The following KCNQ1 variants were observed in gnomAD, a reference collection of about 807,000 sequenced individuals.
KCNQ1 encodes potassium voltage-gated channel subfamily Q member 1, also known as potassium voltage-gated channel subfamily KQT member 1.
In KCNQ1, 49 loss-of-function variants were observed where a neutral mutation model predicts 72.4. That is an observed-to-expected ratio of 0.68 (90% confidence interval 0.54 to 0.86). The LOEUF is 0.86. KCNQ1 is among the 40% of genes least tolerant of loss of function. The pLI is 0.00. For synonymous variants in KCNQ1, 450 were observed against 412.6 expected, an observed-to-expected ratio of 1.09 and a Z score of -1.10; for missense variants, 790 against 945.1, an observed-to-expected ratio of 0.84 and a Z score of 2.15.
chr11:2,630,619 C>G (rs933264429), intron 10 of KCNQ1: 1 of 398,284 alleles, frequency 2.5e-6, no homozygotes, highest in Non-Finnish European at 4.4e-6. Flanking sequence ...GATTTATATA[C>G]TACCATTACA....
At position 2,764,927 on chromosome 11, in the gene KCNQ1, T is replaced by C. The variant is rs190237381; in HGVS notation, c.1515-3917T>C. On this transcript the variant is annotated intron_variant, in intron 11 of 15. Transcript: ENST00000155840. This position sits in a 1 kb window ranked among gnomAD's most constrained non-coding sequence, Gnocchi z 4.8. The stretch of plus-strand genomic sequence containing the variant: ...CCCAAAAGTGTGTCTGTTTTATTAG[T>C]CTCTTCTGAGAACCAAATTTTGGCT... Among the ~76,000 whole-genome samples the C allele has an allele frequency of 1.2e-4, 19 of 152,336 alleles. No individual in the cohort carries two copies. In the East Asian group the frequency reaches 3.7e-3, roughly 29 times the overall value.
In KCNQ1 at chr11:2,645,096, C is replaced by T. The variant is rs1395768865; in HGVS notation, c.1394-16865C>T. ...CACAGGGTGGGTAGGTCCTTGAGCT[C>T]TGAGCAGCAGATATGGCTTGGGCAA... On this transcript the variant is annotated intron_variant, in intron 10 of 15. Transcript: ENST00000155840. The surrounding 1 kb of genome is among the most constrained non-coding windows in gnomAD (Gnocchi z 5.8). The T allele has an allele frequency of 2.5e-6, 1 of 398,598 alleles. No homozygotes were observed. Among genetic ancestry groups the T allele is most frequent in the Non-Finnish European group, 4.4e-6 (1 of 226,088 alleles). The allele number at this position is 398,598 out of a possible 1,614,324, so 24.7% of individuals were successfully genotyped here.
chr11:2,628,786 TTTCTC>T (rs1177532635), intron 10 of KCNQ1: 7 of 398,298 alleles, frequency 1.8e-5, no homozygotes, highest in African/African-American at 4.1e-5. Flanking sequence ...CTTATTCACT[TTTCTC>T]TACAGTGTAG....
intron 6 of KCNQ1, among the ~76,000 whole-genome samples, chr11:2,577,254 C>T (rs879831445): frequency 3.9e-5 from 6 of 152,178 alleles, no homozygotes; most frequent in South Asian, 2.1e-4. Context: ...CAGTCAGGAG[C>T]GAGAAGCATG....
At position 2,743,267 on chromosome 11, in the gene KCNQ1, C is replaced by T. The variant is rs540400422; in HGVS notation, c.1515-25577C>T. On this transcript the variant is annotated intron_variant, in intron 11 of 15. Coordinates refer to ENST00000155840, the MANE Select transcript of KCNQ1 (RefSeq NM_000218.3). ...TCATTGACTCCGAGGGTCTTCAAGGCCCTGTGCTCCTCCAGAAGGTGGGGT... is the reference window on the plus strand; with the variant it reads ...TCATTGACTCCGAGGGTCTTCAAGGTCCTGTGCTCCTCCAGAAGGTGGGGT... 1.5e-4 allele frequency among the ~76,000 whole-genome samples: 23 copies of T among 152,212 alleles called. No homozygotes were observed. The East Asian group carries it at 3.7e-3, about 24-fold the overall frequency.
In KCNQ1 at chr11:2,664,890, AC is replaced by A. The variant is rs1434851105; in HGVS notation, c.1514+2810del. On this transcript the variant is annotated intron_variant, in intron 11 of 15. Transcript: ENST00000155840. This position sits in a 1 kb window ranked among gnomAD's most constrained non-coding sequence, Gnocchi z 5.1. ...TCAAATTAAAAACATAAATAAAGAC[AC>A]ATTTTGTTTCCATCTCGAGCTCTCC... 1 of 398,448 alleles carries A rather than the reference AC, an allele frequency of 2.5e-6. No homozygotes were observed. The highest frequency in any genetic ancestry group is 3.6e-5 in the East Asian group (1 of 28,082). 24.7% of individuals were successfully genotyped at this position (398,448 alleles called of 1,614,324 possible).
Position 2,612,376 on chromosome 11 carries a change from A to G in KCNQ1, c.1393+23522A>G. ...TTCCACAAAACTGGTCCCTCATGCCAAAAAGGTTGGGGACCACTATATTAT... is the reference window on the plus strand; with the variant it reads ...TTCCACAAAACTGGTCCCTCATGCCGAAAAGGTTGGGGACCACTATATTAT... On this transcript the variant is annotated intron_variant, in intron 10 of 15. Coordinates refer to ENST00000155840, the MANE Select transcript of KCNQ1 (RefSeq NM_000218.3). The surrounding 1 kb of genome is among the most constrained non-coding windows in gnomAD (Gnocchi z 5.5). 2.5e-6 allele frequency: 1 copy of G among 398,656 alleles called. No individual in the cohort carries two copies. The highest frequency in any genetic ancestry group is 4.4e-6 in the Non-Finnish European group (1 of 226,076). The allele number at this position is 398,656 out of a possible 1,614,324, so 24.7% of individuals were successfully genotyped here. A position where few individuals can be genotyped will look rare whatever the true frequency, so the allele number is the denominator to read the frequency against.
In KCNQ1 at chr11:2,658,820, G is replaced by A. The variant is rs904457455; in HGVS notation, c.1394-3141G>A. On this transcript the variant is annotated intron_variant, in intron 10 of 15. Coordinates refer to ENST00000155840, the MANE Select transcript of KCNQ1 (RefSeq NM_000218.3). The surrounding 1 kb of genome is among the most constrained non-coding windows in gnomAD (Gnocchi z 4.9). ...CCCCCTCCCCCACAACTTATTTATAGCTTTTTCTCTGACAGCTAGAAACCT... is the reference window on the plus strand; with the variant it reads ...CCCCCTCCCCCACAACTTATTTATAACTTTTTCTCTGACAGCTAGAAACCT... 1.3e-5 allele frequency: 5 copies of A among 398,256 alleles called. No homozygotes were observed. The highest frequency in any genetic ancestry group is 4.1e-5 in the African/African-American group (2 of 48,522). The allele number at this position is 398,256 out of a possible 1,614,324, so 24.7% of individuals were successfully genotyped here.
chr11:2,586,937 G>A (rs1848600597), intron 8 of KCNQ1, among the ~76,000 whole-genome samples: 1 of 151,726 alleles, frequency 6.6e-6, no homozygotes, highest in Non-Finnish European at 1.5e-5. Context: ...CGGGTCCCCT[G>A]CCGATAGTGT....
At chr11:2,788,969 G>A (rs1846966012) in intron 15 of KCNQ1, among the ~76,000 whole-genome samples, 1 of 152,160 alleles carries the variant, frequency 6.6e-6, no homozygotes, top group South Asian at 2.1e-4. Context: ...TCTGCTCCCA[G>A]GGAGCCTGAG....
chr11:2,798,443 C>G (rs992885946), intron 15 of KCNQ1, among the ~76,000 whole-genome samples: 3 of 152,132 alleles, frequency 2.0e-5, no homozygotes, highest in Non-Finnish European at 4.4e-5. Flanking sequence ...TGGGGGGCCT[C>G]CTTACTGGGG....
In KCNQ1 at chr11:2,562,654, C is replaced by G. The variant is rs1848190990; in HGVS notation, c.478-7974C>G. 6.6e-6 allele frequency among the ~76,000 whole-genome samples: 1 copy of G among 152,214 alleles called. No homozygotes were observed. Among genetic ancestry groups the G allele is most frequent in the African/African-American group, 2.4e-5 (1 of 41,458 alleles). ...CCTCTTCAGAGTCTCCAGGCCCCAT[C>G]TTGGCCTGATGAGGCCTCATTGTCT... On this transcript the variant is annotated intron_variant, in intron 2 of 15. Coordinates refer to ENST00000155840, the MANE Select transcript of KCNQ1 (RefSeq NM_000218.3). The surrounding 1 kb of genome is among the most constrained non-coding windows in gnomAD (Gnocchi z 7.5).
chr11:2,453,427 A>T (rs1846143350), intron 1 of KCNQ1, among the ~76,000 whole-genome samples: 1 of 152,076 alleles, frequency 6.6e-6, no homozygotes, highest in Non-Finnish European at 1.5e-5. Context: ...CTGGGGGAAG[A>T]TGTGATGTTT....
chr11:2,625,703 G>A (rs1271443584), intron 10 of KCNQ1: 5 of 397,238 alleles, frequency 1.3e-5, no homozygotes, highest in Non-Finnish European at 2.2e-5. Flanking sequence ...CCGAGTAGCT[G>A]GGACTACAGG....
At chr11:2,571,873 A>G (rs1023505240) in intron 4 of KCNQ1, 140 bp from the exon 5 acceptor site, 151 of 708,276 alleles carry the variant, frequency 2.1e-4, no homozygotes, top group African/African-American at 6.3e-4. Flanking sequence ...CGGGATGGAC[A>G]TATACCCAGC....
chr11:2,591,772 C>G (rs898900650), intron 10 of KCNQ1, among the ~76,000 whole-genome samples: 2 of 152,268 alleles, frequency 1.3e-5, no homozygotes, highest in African/African-American at 4.8e-5. Context: ...GAGAAGATTT[C>G]TCTTTCCTGC....
intron 10 of KCNQ1, chr11:2,628,270 C>G: frequency 7.5e-6 from 3 of 398,560 alleles, no homozygotes; most frequent in Admixed American, 4.4e-5. Flanking sequence ...ATAAGGGACA[C>G]CTTTTCTCCA....
intron 10 of KCNQ1, chr11:2,615,246 T>G: frequency 2.5e-6 from 1 of 398,186 alleles, no homozygotes; most frequent in African/African-American, 2.1e-5. Flanking sequence ...AAATAAATGT[T>G]GAACATGTAC....
At chr11:2,774,899 A>G (rs1437091591) in intron 12 of KCNQ1, among the ~76,000 whole-genome samples, 2 of 151,950 alleles carry the variant, frequency 1.3e-5, no homozygotes, top group Non-Finnish European at 2.9e-5. Flanking sequence ...CTGGGCCTCA[A>G]TTGCCTCCCT....
Sources: gnomAD v4.1 joint callset for allele counts (sites outside exome capture counted in the v4.1 genomes callset) on GRCh38, gnomAD v4.1.1 for gene constraint, Gnocchi (gnomAD v3.1) non-coding constraint, MANE v1.5 for transcripts, NCBI Gene and HGNC (gene_info 2026-07-23, HGNC 2026-07-21) for gene names.